TOLLIP: variants seen among roughly 807,000 people sequenced by gnomAD.
The protein encoded by TOLLIP is toll interacting protein.
Under a neutral mutation model 33.5 loss-of-function variants are expected in TOLLIP, and 16 were observed. The ratio of observed to expected loss-of-function variants is 0.48; its 90% CI spans 0.32 to 0.72. The LOEUF is 0.72. Among genes scored for constraint, TOLLIP ranks in the 30% least tolerant of loss-of-function variants. The pLI is 0.03. For missense variants in TOLLIP, 325 were observed against 396.6 expected (o/e 0.82, Z 1.53); for synonymous variants, 176 against 163.7 (o/e 1.07, Z -0.57).
chr11:1,294,457 C>T (rs1590221647), intron 2 of TOLLIP, among the ~76,000 whole-genome samples: 4 of 95,448 alleles, frequency 4.2e-5, no homozygotes, highest in South Asian at 4.4e-4. Flanking sequence ...TGTCTCCTTT[C>T]CCTGCATTTC....
In TOLLIP at chr11:1,276,657, T is replaced by C. The variant is rs1438603296; in HGVS notation, c.*382A>G. ...CCTTAAATCAACAGCTCTATTCCAA[T>C]TACATCACATCACAAAATGCCATGA... On this transcript the variant is annotated 3_prime_UTR_variant, in exon 6 of 6. Coordinates refer to ENST00000317204, the MANE Select transcript of TOLLIP (RefSeq NM_019009.4). 7.5e-7 allele frequency: 1 copy of C among 1,331,484 alleles called. No individual in the cohort carries two copies. Among genetic ancestry groups the C allele is most frequent in the East Asian group, 4.7e-5 (1 of 21,240 alleles). The allele number at this position is 1,331,484 out of a possible 1,614,324, so 82.5% of individuals were successfully genotyped here.
At chr11:1,285,045 C>T (rs531658217) in intron 5 of TOLLIP, among the ~76,000 whole-genome samples, 8 of 152,304 alleles carry the variant, frequency 5.3e-5, no homozygotes, top group South Asian at 2.1e-4. Flanking sequence ...ACTGGCCTCA[C>T]AGCACTCTCG....
At position 1,276,868 on chromosome 11, in the gene TOLLIP, C is replaced by G. The variant is rs747030195; in HGVS notation, c.*171G>C. The stretch of plus-strand genomic sequence containing the variant: ...CGCCCCGTCCTGGACCGCCAGGAAC[C>G]GAAAACCCACATGCACCCAAGAACA... On this transcript the variant is annotated 3_prime_UTR_variant, in exon 6 of 6. Transcript: ENST00000317204. The G allele has an allele frequency of 1.3e-6, 2 of 1,538,712 alleles. No individual in the cohort carries two copies. The highest frequency in any genetic ancestry group is 2.4e-5 in the East Asian group (1 of 41,048).
At chr11:1,294,480 C>G (rs1233081927) in intron 2 of TOLLIP, among the ~76,000 whole-genome samples, 2 of 66,760 alleles carry the variant, frequency 3.0e-5, no homozygotes, top group Admixed American at 1.6e-4. Context: ...CGAAAGCCCG[C>G]GTGGCTCACA....
At chr11:1,298,124 C>A (rs978632298) in intron 1 of TOLLIP, 1 of 152,326 alleles carries the variant, frequency 6.6e-6, no homozygotes, top group African/African-American at 2.4e-5. Flanking sequence ...CTCGTGCTAA[C>A]CAAGTTCTCA....
intron 5 of TOLLIP, among the ~76,000 whole-genome samples, chr11:1,280,989 G>A (rs1165987367): frequency 1.3e-5 from 2 of 152,214 alleles, no homozygotes; most frequent in African/African-American, 4.8e-5. Context: ...TGCCAGCCTG[G>A]CGGAGAGTCT....
chr11:1,297,760 G>A (rs969768158), intron 1 of TOLLIP, among the ~76,000 whole-genome samples: 6 of 152,234 alleles, frequency 3.9e-5, no homozygotes, highest in African/African-American at 1.2e-4. Context: ...GTGCCTGAGC[G>A]GAGTGGGCCC....
At chr11:1,284,935 G>A (rs1407161472) in intron 5 of TOLLIP, among the ~76,000 whole-genome samples, 1 of 152,184 alleles carries the variant, frequency 6.6e-6, no homozygotes, top group Admixed American at 6.5e-5. Flanking sequence ...TCTAGGGCGA[G>A]GTCCCGACTC....
intron 4 of TOLLIP, among the ~76,000 whole-genome samples, chr11:1,287,270 A>G (rs780858700): frequency 6.6e-6 from 1 of 152,218 alleles, no homozygotes; most frequent in Non-Finnish European, 1.5e-5. Flanking sequence ...GCGTCTGTTA[A>G]AGACGTGTCA....
Position 1,290,102 on chromosome 11 carries a change from A to T in TOLLIP, c.366+125T>A. ...GCAGGACCCTGTCATGCACCCAATG[A>T]AACACCAGGTGGGGAGCCACGCCTC... On this transcript the variant is annotated intron_variant, in intron 3 of 5. Transcript: ENST00000317204. This position sits in a 1 kb window ranked among gnomAD's most constrained non-coding sequence, Gnocchi z 4.9. 1.1e-6 allele frequency: 1 copy of T among 895,096 alleles called. No individual in the cohort carries two copies. The allele number at this position is 895,096 out of a possible 1,614,324, so 55.4% of individuals were successfully genotyped here.
intron 1 of TOLLIP, among the ~76,000 whole-genome samples, chr11:1,304,467 G>A (rs1185939252): frequency 2.0e-5 from 3 of 152,240 alleles, no homozygotes; most frequent in Non-Finnish European, 4.4e-5. Context: ...GCGCTGACTC[G>A]AGAGAAGTAA....
Position 1,309,606 on chromosome 11 carries a change from C to A in TOLLIP, c.-108G>T. On this transcript the variant is annotated 5_prime_UTR_variant, in exon 1 of 6. Coordinates refer to ENST00000317204, the MANE Select transcript of TOLLIP (RefSeq NM_019009.4). ...GGAGACAGTTGTCACCTCGAGGCCG[C>A]CGCCGCCACAGTCAGCTGACAGCCG... 1 of 433,906 alleles carries A rather than the reference C, an allele frequency of 2.3e-6. No homozygotes were observed. Among genetic ancestry groups the A allele is most frequent in the South Asian group, 8.2e-5 (1 of 12,154 alleles). The allele number at this position is 433,906 out of a possible 1,614,324, so 26.9% of individuals were successfully genotyped here.
chr11:1,280,803 C>T (rs1157330826), intron 5 of TOLLIP, among the ~76,000 whole-genome samples: 1 of 152,178 alleles, frequency 6.6e-6, no homozygotes, highest in Non-Finnish European at 1.5e-5. Flanking sequence ...CACCTCAGCG[C>T]CTGTCAGTCT....
At chr11:1,296,268 T>C (rs1227716356) in intron 1 of TOLLIP, among the ~76,000 whole-genome samples, 1 of 152,214 alleles carries the variant, frequency 6.6e-6, no homozygotes, top group Non-Finnish European at 1.5e-5. Flanking sequence ...TGTTTCCACA[T>C]GAAACAGCTG....
rs1411514173 is a variant in TOLLIP at position 1,309,598 on chromosome 11, C to G, written c.-100G>C. On this transcript the variant is annotated 5_prime_UTR_variant, in exon 1 of 6. Transcript: ENST00000317204. The stretch of plus-strand genomic sequence containing the variant: ...CCTGCGACGGAGACAGTTGTCACCT[C>G]GAGGCCGCCGCCGCCACAGTCAGCT... 1 of 485,726 alleles carries G rather than the reference C, an allele frequency of 2.1e-6. No homozygotes were observed. Among genetic ancestry groups the G allele is most frequent in the Non-Finnish European group, 3.2e-6 (1 of 316,562 alleles). The allele number at this position is 485,726 out of a possible 1,614,324, so 30.1% of individuals were successfully genotyped here. A position where few individuals can be genotyped will look rare whatever the true frequency, so the allele number is the denominator to read the frequency against.
intron 1 of TOLLIP, among the ~76,000 whole-genome samples, chr11:1,301,839 A>C (rs1350905449): frequency 6.6e-6 from 1 of 152,240 alleles, no homozygotes; most frequent in African/African-American, 2.4e-5. Flanking sequence ...GAAGCTAATG[A>C]AACAGAGAGA....
intron 1 of TOLLIP, among the ~76,000 whole-genome samples, chr11:1,305,550 T>C (rs1864401131): frequency 6.6e-6 from 1 of 152,228 alleles, no homozygotes; most frequent in African/African-American, 2.4e-5. Flanking sequence ...CGACACCGGT[T>C]GATGGGGAAA....
intron 1 of TOLLIP, among the ~76,000 whole-genome samples, chr11:1,307,121 G>A (rs5743867): frequency 0.86 from 131,357 of 152,168 alleles, 57,083 homozygotes; most frequent in Non-Finnish European, 0.92. Flanking sequence ...TGGCCATCCT[G>A]AACGCCACAG....
Position 1,276,985 on chromosome 11 carries a change from C to T in TOLLIP, c.*54G>A, listed in dbSNP as rs1261517068. 1.9e-5 allele frequency: 31 copies of T among 1,595,104 alleles called. No homozygotes were observed. In the East Asian group the frequency reaches 2.2e-4, roughly 12 times the overall value. On this transcript the variant is annotated 3_prime_UTR_variant, in exon 6 of 6. Coordinates refer to ENST00000317204, the MANE Select transcript of TOLLIP (RefSeq NM_019009.4). ...TGTTGGGACAGCATTCCTTGGGGAG[C>T]GCCGGGTCGGCGTGTCCAAAGAGCG...
Sources: allele counts gnomAD v4.1 joint callset (sites outside exome capture counted in the v4.1 genomes callset), GRCh38; gene constraint gnomAD v4.1.1; non-coding constraint Gnocchi (gnomAD v3.1); transcripts MANE v1.5; gene names NCBI Gene and HGNC (gene_info 2026-07-23, HGNC 2026-07-21).